The following FREM3 variants were observed in gnomAD, a reference collection of about 807,000 sequenced individuals.
The protein encoded by FREM3 is FRAS1-related extracellular matrix protein 3.
FREM3 carries 105 observed loss-of-function variants against 129.1 expected under a neutral mutation model. That is an observed-to-expected ratio of 0.81 (90% CI 0.69 to 0.96). The LOEUF is 0.96. Among genes scored for constraint, FREM3 ranks in the 40% least tolerant of loss-of-function variants. The pLI is 0.00. For synonymous variants in FREM3, 1,014 were observed against 1,044.9 expected, an observed-to-expected ratio of 0.97 and a Z score of 0.57; for missense variants, 2,593 against 2,666.3, an observed-to-expected ratio of 0.97 and a Z score of 0.61.
chr4:143,582,736 A>T lies in FREM3; in HGVS notation c.6178+3108T>A, dbSNP rs186524794. Among the ~76,000 whole-genome samples, 10 of 152,344 alleles carry T rather than the reference A, an allele frequency of 6.6e-5. No homozygotes were observed. The East Asian group carries it at 1.9e-3, about 29-fold the overall frequency. On this transcript the variant is annotated intron_variant, in intron 7 of 7. Coordinates refer to ENST00000329798, the MANE Select transcript of FREM3 (RefSeq NM_001168235.2). ...AATAAAGATCATCGAGAATCAGGTGAAAGTCAAAACCAATCCAAGGAATCT... is the reference window on the plus strand; with the variant it reads ...AATAAAGATCATCGAGAATCAGGTGTAAGTCAAAACCAATCCAAGGAATCT...
intron 4 of FREM3, 99 bp downstream of exon 4, chr4:143,624,009 G>A (rs1482015329): frequency 4.1e-5 from 27 of 650,646 alleles, no homozygotes; most frequent in Non-Finnish European, 6.4e-5. Context: ...GGATATGAAC[G>A]CATTTAGTGG....
At position 143,698,323 on chromosome 4, in the gene FREM3, C is replaced by A; in HGVS notation, c.2353G>T (p.Val785Phe). Residue 785 changes from valine to phenylalanine, a missense_variant, in exon 1 of 8, where the codon GTT becomes TTT. Val to Phe is a conservative substitution (Grantham distance 50, BLOSUM62 -1). Coordinates refer to ENST00000329798, the MANE Select transcript of FREM3 (RefSeq NM_001168235.2). ...FTQAQVNQHK[V>F]AYQPPQKLGI... ...AATTTCTGTGGAGGCTGGTAGGCAA[C>A]TTTATGCTGATTTACCTGGGCTTGG... 3 of 1,537,786 alleles carry A rather than the reference C, an allele frequency of 2.0e-6. No individual in the cohort carries two copies. The highest frequency in any genetic ancestry group is 1.7e-6 in the Non-Finnish European group (2 of 1,147,040).
chr4:143,588,333 G>A (rs895288413), intron 6 of FREM3, among the ~76,000 whole-genome samples: 2 of 151,784 alleles, frequency 1.3e-5, no homozygotes, highest in Admixed American at 6.6e-5. Context: ...ATGTTGGTAC[G>A]CTGTACCCAT....
intron 6 of FREM3, among the ~76,000 whole-genome samples, chr4:143,606,785 C>G (rs1578832060): frequency 8.2e-6 from 1 of 121,568 alleles, no homozygotes; most frequent in Non-Finnish European, 1.8e-5. Context: ...TTCTATGAAT[C>G]TAGAAGGATT....
intron 2 of FREM3, among the ~76,000 whole-genome samples, chr4:143,632,725 T>C (rs1739161659): frequency 6.6e-6 from 1 of 152,140 alleles, no homozygotes; most frequent in Admixed American, 6.6e-5. Flanking sequence ...ATGTCCAATC[T>C]TTTGGCTTCC....
intron 2 of FREM3, among the ~76,000 whole-genome samples, chr4:143,651,189 G>C (rs1169548324): frequency 2.0e-5 from 3 of 152,156 alleles, no homozygotes; most frequent in African/African-American, 7.2e-5. Flanking sequence ...GTATCTCCCT[G>C]CTTTTTTAAA....
chr4:143,659,523 A>G (rs1367884090), intron 2 of FREM3, among the ~76,000 whole-genome samples: 4 of 151,934 alleles, frequency 2.6e-5, no homozygotes, highest in Non-Finnish European at 5.9e-5. Context: ...GCTATTGTGA[A>G]TAGTGCCGCA....
rs116233848 is a variant in FREM3, at chr4:143,627,472, G to A, written c.5422+142C>T. ...TAACTCACATGGAGCAAAAACCACG[G>A]CACATTTTCACAGACACTTTTTTAG... On this transcript the variant is annotated intron_variant, in intron 3 of 7. Coordinates refer to ENST00000329798, the MANE Select transcript of FREM3 (RefSeq NM_001168235.2). 2.3e-3 allele frequency: 1,670 copies of A among 730,822 alleles called. 16 individuals carry two copies. In the African/African-American group the frequency reaches 0.027, roughly 12 times the overall value. 45.3% of individuals were successfully genotyped at this position (730,822 alleles called of 1,614,324 possible).
chr4:143,614,431 G>A (rs1466098017), intron 5 of FREM3, among the ~76,000 whole-genome samples: 1 of 152,196 alleles, frequency 6.6e-6, no homozygotes, highest in African/African-American at 2.4e-5. Flanking sequence ...AAGGTCCCTG[G>A]CGATTGTCTG....
Position 143,698,634 on chromosome 4 carries a change from T to C in FREM3, c.2042A>G (p.Asp681Gly). ...QLAFHVQDDH[D>G]PPNLSKQHIF... is the part of the protein sequence containing the mutation. The stretch of plus-strand genomic sequence containing the variant: ...GTGCTGTTTGGAGAGATTGGGTGGG[T>C]CATGGTCATCCTGCACATGGAAAGC... Residue 681 changes from aspartate to glycine, a missense_variant, in exon 1 of 8, where the codon GAC (aspartate) becomes GGC (glycine). Coordinates refer to ENST00000329798, the MANE Select transcript of FREM3 (RefSeq NM_001168235.2). 1.3e-6 allele frequency: 2 copies of C among 1,537,790 alleles called. No individual in the cohort carries two copies. The highest frequency in any genetic ancestry group is 1.7e-6 in the Non-Finnish European group (2 of 1,147,034).
At chr4:143,628,609 T>TA (rs1739086967) in intron 2 of FREM3, among the ~76,000 whole-genome samples, 1 of 152,188 alleles carries the variant, frequency 6.6e-6, no homozygotes. Context: ...GTTCCACAGT[T>TA]ACTGGACCCC....
chr4:143,622,526 T>C (rs1738969940), intron 4 of FREM3, among the ~76,000 whole-genome samples: 1 of 151,986 alleles, frequency 6.6e-6, no homozygotes, highest in South Asian at 2.1e-4. Flanking sequence ...CTACATTAGC[T>C]TCAGCAGATA....
chr4:143,628,945 G>A (rs1739093134), intron 2 of FREM3, among the ~76,000 whole-genome samples: 1 of 152,144 alleles, frequency 6.6e-6, no homozygotes, highest in Non-Finnish European at 1.5e-5. Flanking sequence ...AAGAAAGCAG[G>A]TATATGGACT....
intron 6 of FREM3, among the ~76,000 whole-genome samples, chr4:143,597,240 G>A (rs1303809769): frequency 6.6e-6 from 1 of 152,320 alleles, no homozygotes; most frequent in African/African-American, 2.4e-5. Context: ...ATCTTGAGAA[G>A]AATGAGTGGT....
chr4:143,611,587 CCTGT>C, intron 5 of FREM3, 60 bp from the exon 6 acceptor site: 12 of 1,455,738 alleles, frequency 8.2e-6, no homozygotes, highest in Non-Finnish European at 1.1e-5. Flanking sequence ...AAACAAGAAG[CCTGT>C]CTGTTTTCTT....
chr4:143,657,688 C>A (rs775449390), intron 2 of FREM3, among the ~76,000 whole-genome samples: 1 of 152,060 alleles, frequency 6.6e-6, no homozygotes, highest in Non-Finnish European at 1.5e-5. Context: ...TTCATCACAC[C>A]ATATAAGCCA....
intron 2 of FREM3, among the ~76,000 whole-genome samples, chr4:143,637,600 C>G (rs754429206): frequency 6.6e-6 from 1 of 152,078 alleles, no homozygotes; most frequent in African/African-American, 2.4e-5. Context: ...CACTCACATC[C>G]TGGAGCTTGG....
intron 6 of FREM3, among the ~76,000 whole-genome samples, chr4:143,607,954 A>T (rs1443774107): frequency 6.6e-6 from 1 of 152,184 alleles, no homozygotes; most frequent in South Asian, 2.1e-4. Flanking sequence ...GGCTGCCTGC[A>T]TTCCTCGGCT....
At position 143,577,406 on chromosome 4, in the gene FREM3, AT is replaced by A. The variant is rs1738057530; in HGVS notation, c.*204del. The A allele has an allele frequency of 1.8e-6, 1 of 547,526 alleles. No individual in the cohort carries two copies. The allele number at this position is 547,526 out of a possible 1,614,324, so 33.9% of individuals were successfully genotyped here. On this transcript the variant is annotated 3_prime_UTR_variant, in exon 8 of 8. Transcript: ENST00000329798. ...AAAAGAACATGAACACAGTCTAATT[AT>A]TTGTGGGCTCAATGTTTTCTAGGTA... is the stretch of plus-strand genomic sequence containing the variant.
Sources: allele counts gnomAD v4.1 joint callset (sites outside exome capture counted in the v4.1 genomes callset), GRCh38; gene constraint gnomAD v4.1.1; transcripts MANE v1.5; gene names NCBI Gene and HGNC (gene_info 2026-07-23, HGNC 2026-07-21).